MEOX1: variants seen among roughly 807,000 people sequenced by gnomAD.
MEOX1 encodes homeobox protein MOX-1.
Under a neutral mutation model 23.2 loss-of-function variants are expected in MEOX1, and 17 were observed. The ratio of observed to expected loss-of-function variants is 0.73; its 90% CI spans 0.50 to 1.10. The LOEUF (loss-of-function observed/expected upper bound fraction) is 1.10. MEOX1 is among the 50% of genes least tolerant of loss of function. MEOX1 has a pLI of 0.00. For missense variants in MEOX1, 333 were observed against 332.2 expected (o/e 1.00, Z -0.02); for synonymous variants, 134 against 135.1 (o/e 0.99, Z 0.06).
chr17:43,650,828 A>G (rs1972900462), intron 1 of MEOX1, among the ~76,000 whole-genome samples: 1 of 152,108 alleles, frequency 6.6e-6, no homozygotes, highest in Non-Finnish European at 1.5e-5. Context: ...GACTGGTTGG[A>G]TGTTCACATC....
intron 1 of MEOX1, among the ~76,000 whole-genome samples, chr17:43,644,817 G>A (rs940256765): frequency 2.0e-5 from 3 of 152,216 alleles, no homozygotes; most frequent in Non-Finnish European, 2.9e-5. Context: ...TTGGGAGGCT[G>A]AGGCAGGAGA....
At chr17:43,657,167 TTTC>T (rs1214446554) in intron 1 of MEOX1, among the ~76,000 whole-genome samples, 528 of 49,746 alleles carry the variant, frequency 0.011, 10 homozygotes, top group Middle Eastern at 0.043. Flanking sequence ...TCTTTCTTTC[TTTC>T]TTTTTTTTTT....
chr17:43,645,649 T>A (rs1295716384), intron 1 of MEOX1, among the ~76,000 whole-genome samples: 2 of 152,154 alleles, frequency 1.3e-5, no homozygotes, highest in African/African-American at 4.8e-5. Context: ...CCTGGGGGAC[T>A]GGGCTGGGGA....
At chr17:43,655,237 C>T (rs1972992601) in intron 1 of MEOX1, among the ~76,000 whole-genome samples, 1 of 152,104 alleles carries the variant, frequency 6.6e-6, no homozygotes. Flanking sequence ...CTTTGGGAGG[C>T]TGAGGCAGGC....
At chr17:43,659,539 C>G (rs1039690603) in intron 1 of MEOX1, among the ~76,000 whole-genome samples, 1 of 152,088 alleles carries the variant, frequency 6.6e-6, no homozygotes, top group Non-Finnish European at 1.5e-5. Context: ...GGGGTTTGAG[C>G]TCACTTCTAG....
chr17:43,641,801 T>G lies in MEOX1; in HGVS notation c.*109A>C. The G allele has an allele frequency of 8.6e-7, 1 of 1,162,412 alleles. No homozygotes were observed. Among genetic ancestry groups the G allele is most frequent in the Non-Finnish European group, 1.2e-6 (1 of 824,736 alleles). The allele number at this position is 1,162,412 out of a possible 1,614,324, so 72.0% of individuals were successfully genotyped here. ...TTCATATCCAAGAGTCAGGGAAAGA[T>G]GTGGAGAGGCTGCCCTGGCTGGGGA... is the stretch of plus-strand genomic sequence containing the variant. On this transcript the variant is annotated 3_prime_UTR_variant, in exon 3 of 3. Transcript: ENST00000318579.
chr17:43,652,830 T>A lies in MEOX1; in HGVS notation c.469+8236A>T, dbSNP rs1416867590. On this transcript the variant is annotated intron_variant, in intron 1 of 2. Coordinates refer to ENST00000318579, the MANE Select transcript of MEOX1 (RefSeq NM_004527.4). The stretch of plus-strand genomic sequence containing the variant: ...CATTCTCATCTCTACTATTGCTTTT[T>A]TTTTTTTTTTTTTTTTTTTGAGACG... Among the ~76,000 whole-genome samples the A allele has an allele frequency of 1.6e-3, 219 of 134,490 alleles. 3 individuals are homozygous for A. Among genetic ancestry groups the A allele is most frequent in the African/African-American group, 5.9e-3 (211 of 35,640 alleles). The allele number at this position is 134,490 out of a possible 152,430, so 88.2% of individuals were successfully genotyped here.
At chr17:43,660,390 T>C (rs904989816) in intron 1 of MEOX1, among the ~76,000 whole-genome samples, 1 of 152,214 alleles carries the variant, frequency 6.6e-6, no homozygotes, top group African/African-American at 2.4e-5. Flanking sequence ...GCTGCCTTCC[T>C]GGGGGGTCAG....
chr17:43,661,170 C>A lies in MEOX1; in HGVS notation c.365G>T (p.Gly122Val), dbSNP rs576651683. The change falls in exon 1 of 3, where the codon GGC becomes GTC. Residue 122 changes from glycine to valine, a missense_variant. Gly to Val is a moderately radical substitution (Grantham distance 109). Coordinates refer to ENST00000318579, the MANE Select transcript of MEOX1 (RefSeq NM_004527.4). Reference sequence around the variant, plus strand: ...TGGGCCTCCTGTGGTGTCCACCAGGCCCAGGCTGCTGGTCCCCATTTCCTT... The same window carrying A: ...TGGGCCTCCTGTGGTGTCCACCAGGACCAGGCTGCTGGTCCCCATTTCCTT... ...GSKEMGTSSL[G>V]LVDTTGGPGD... is the part of the protein sequence containing the mutation. 1.5e-5 allele frequency: 24 copies of A among 1,597,262 alleles called. No homozygotes were observed. The highest frequency in any genetic ancestry group is 2.0e-5 in the Non-Finnish European group (23 of 1,171,530).
chr17:43,643,485 C>A lies in MEOX1; in HGVS notation c.642+3G>T. On this transcript the variant is annotated splice_donor_region_variant and intron_variant, in intron 2 of 2. Coordinates refer to ENST00000318579, the MANE Select transcript of MEOX1 (RefSeq NM_004527.4). ...GAAGAGGAGGGGCCCACCGGGGGCGCACCTGGCGCTCAGAGAGGTCCAGGT... is the reference window on the plus strand; with the variant it reads ...GAAGAGGAGGGGCCCACCGGGGGCGAACCTGGCGCTCAGAGAGGTCCAGGT... 15 of 1,573,764 alleles carry A rather than the reference C, an allele frequency of 9.5e-6. No individual in the cohort carries two copies. The highest frequency in any genetic ancestry group is 1.1e-5 in the Non-Finnish European group (13 of 1,158,562).
chr17:43,649,787 G>A (rs1353813304), intron 1 of MEOX1, among the ~76,000 whole-genome samples: 1 of 152,224 alleles, frequency 6.6e-6, no homozygotes, highest in Non-Finnish European at 1.5e-5. Context: ...TTAGGAAGGA[G>A]TTGCCCCACC....
Position 43,661,264 on chromosome 17 carries a change from A to C in MEOX1, c.271T>G (p.Ser91Ala), listed in dbSNP as rs778981966. ...GAGACAGGGAAGTGCCAGTTGGGGG[A>C]CTGTGGGAAAGCGGGGTGCTGCTCA... ...FTEQHPAFPQ[S>A]PNWHFPVSDA... The change falls in exon 1 of 3, where the codon TCC (serine) becomes GCC (alanine). Residue 91 changes from serine to alanine, a missense_variant. Transcript: ENST00000318579. 1 of 1,609,048 alleles carries C rather than the reference A, an allele frequency of 6.2e-7. No individual in the cohort carries two copies. The highest frequency in any genetic ancestry group is 1.3e-5 in the African/African-American group (1 of 74,890).
rs528473642 is a variant in MEOX1, at chr17:43,661,319, G to A, written c.216C>T (p.His72=). 1.9e-6 allele frequency: 3 copies of A among 1,613,088 alleles called. No individual in the cohort carries two copies. Among genetic ancestry groups the A allele is most frequent in the South Asian group, 1.1e-5 (1 of 90,892 alleles). The change falls in exon 1 of 3, where the codon CAC becomes CAT. Residue 72 remains histidine (H), a synonymous_variant. Transcript: ENST00000318579. ...FSASCLAATP[H]SLPQEEHIFT... ...AGATGTGCTCCTCCTGGGGCAGGCT[G>A]TGTGGGGTGGCTGCCAGGCAGGAGG... is the stretch of plus-strand genomic sequence containing the variant.
Position 43,658,118 on chromosome 17 carries a change from G to A in MEOX1, c.469+2948C>T, listed in dbSNP as rs547033277. 2.6e-5 allele frequency among the ~76,000 whole-genome samples: 4 copies of A among 152,250 alleles called. No homozygotes were observed. In the East Asian group the frequency reaches 5.8e-4, roughly 22 times the overall value. ...CTGGCTGGGAAGAACTATGGAAAAC[G>A]CGTTTCTGATCAATGCTGGTTAACC... On this transcript the variant is annotated intron_variant, in intron 1 of 2. Transcript: ENST00000318579.
chr17:43,646,305 C>A (rs919084116), intron 1 of MEOX1, among the ~76,000 whole-genome samples: 1 of 152,170 alleles, frequency 6.6e-6, no homozygotes, highest in African/African-American at 2.4e-5. Flanking sequence ...AGCGCCGCGC[C>A]CCCTCCTGGC....
intron 1 of MEOX1, among the ~76,000 whole-genome samples, chr17:43,649,073 A>T (rs907879621): frequency 6.6e-6 from 1 of 152,184 alleles, no homozygotes; most frequent in South Asian, 2.1e-4. Flanking sequence ...TGTGCTTATC[A>T]GGCTGAGAAG....
At chr17:43,660,721 T>A (rs1973121052) in intron 1 of MEOX1, among the ~76,000 whole-genome samples, 1 of 152,168 alleles carries the variant, frequency 6.6e-6, no homozygotes, top group South Asian at 2.1e-4. Context: ...GGGAGGAGGA[T>A]GACTCAATGG....
Position 43,661,816 on chromosome 17 carries a change from T to G in MEOX1, c.-282A>C, listed in dbSNP as rs1003449906. On this transcript the variant is annotated 5_prime_UTR_variant, in exon 1 of 3. Transcript: ENST00000318579. Reference sequence around the variant, plus strand: ...AGCCTACCTACTGGGATCCCCTGTATGTGTATTTGTCGCCAATGACACTAA... The same window carrying G: ...AGCCTACCTACTGGGATCCCCTGTAGGTGTATTTGTCGCCAATGACACTAA... 13 of 350,782 alleles carry G rather than the reference T, an allele frequency of 3.7e-5. No individual in the cohort carries two copies. Among genetic ancestry groups the G allele is most frequent in the Non-Finnish European group, 6.1e-5 (12 of 196,640 alleles). The allele number at this position is 350,782 out of a possible 1,614,324, so 21.7% of individuals were successfully genotyped here.
At chr17:43,657,340 ATT>A (rs34747408) in intron 1 of MEOX1, among the ~76,000 whole-genome samples, 22,000 of 122,310 alleles carry the variant, frequency 0.18, 2,581 homozygotes, top group African/African-American at 0.35. Flanking sequence ...CACCTGGCTA[ATT>A]TTTTTTTTTT....
Sources: gnomAD v4.1 joint callset for allele counts (sites outside exome capture counted in the v4.1 genomes callset) on GRCh38, gnomAD v4.1.1 for gene constraint, MANE v1.5 for transcripts, NCBI Gene and HGNC (gene_info 2026-07-23, HGNC 2026-07-21) for gene names.